UMPS: variants seen among roughly 807,000 people sequenced by gnomAD.
The protein encoded by UMPS is uridine 5'-monophosphate synthase.
UMPS carries 21 observed loss-of-function variants against 38.9 expected under a neutral mutation model. That is an observed-to-expected ratio of 0.54 (90% CI 0.38 to 0.78). UMPS has a LOEUF of 0.78. UMPS is among the 30% of genes least tolerant of loss of function. The probability of loss-of-function intolerance (pLI) is 0.00; values close to 1 mark genes in which losing one functional copy is unlikely to be tolerated. For missense variants in UMPS, 533 were observed against 591.6 expected, an observed-to-expected ratio of 0.90 and a Z score of 1.03; for synonymous variants, 208 against 219.3, an observed-to-expected ratio of 0.95 and a Z score of 0.45.
chr3:124,731,643 G>A, intron 1 of UMPS: 1 of 233,304 alleles, frequency 4.3e-6, no homozygotes, highest in South Asian at 4.3e-5. Flanking sequence ...CCAACTTTGG[G>A]AGGCTTTCTT....
At chr3:124,732,205 AG>A (rs1365168956) in intron 1 of UMPS, among the ~76,000 whole-genome samples, 35 of 152,350 alleles carry the variant, frequency 2.3e-4, no homozygotes, top group Admixed American at 7.2e-4. Flanking sequence ...GCCTATAGTC[AG>A]GGCAACTACT....
chr3:124,740,416 T>G (rs2063548568), intron 4 of UMPS, among the ~76,000 whole-genome samples: 1 of 152,160 alleles, frequency 6.6e-6, no homozygotes, highest in Non-Finnish European at 1.5e-5. Context: ...TGAATTATAC[T>G]CCAAGAGAAA....
At chr3:124,737,211 C>T (rs1468179259) in intron 2 of UMPS, 1 of 263,206 alleles carries the variant, frequency 3.8e-6, no homozygotes, top group Non-Finnish European at 7.3e-6. Flanking sequence ...CAAGACCAGC[C>T]TAGACAACAT....
chr3:124,737,417 A>G (rs938651174), intron 2 of UMPS, 151 bp from the exon 3 acceptor site: 3 of 693,380 alleles, frequency 4.3e-6, no homozygotes, highest in Non-Finnish European at 7.4e-6. Flanking sequence ...AATATACTGT[A>G]TGTGCAACTA....
Position 124,748,738 on chromosome 3 carries a change from G to A in UMPS, c.*4654G>A, listed in dbSNP as rs775081416. 4.6e-6 allele frequency: 2 copies of A among 435,156 alleles called. No individual in the cohort carries two copies. The highest frequency in any genetic ancestry group is 7.6e-4 in the Middle Eastern group (1 of 1,308). 27.0% of individuals were successfully genotyped at this position (435,156 alleles called of 1,614,324 possible). A position where few individuals can be genotyped will look rare whatever the true frequency, so the allele number is the denominator to read the frequency against. On this transcript the variant is annotated 3_prime_UTR_variant, in exon 6 of 6. Coordinates refer to ENST00000232607, the MANE Select transcript of UMPS (RefSeq NM_000373.4). ...GGTTGGGGGGAGCCCAGGAGAGCAG[G>A]AAGATCCAGAGATCCCTCGCCCCAG...
At chr3:124,734,014 A>T (rs562530023) in intron 1 of UMPS, among the ~76,000 whole-genome samples, 98 of 152,324 alleles carry the variant, frequency 6.4e-4, no homozygotes, top group African/African-American at 2.3e-3. Flanking sequence ...CAGCAATTTC[A>T]CGTTTTGTTT....
rs942102955 is a variant in UMPS at position 124,744,540 on chromosome 3, C to T, written c.*456C>T. ...CCTCCCACCTCAGCTTCCAGATTAG[C>T]TGGTGCTATAGGCATGCACCACCAC... is the stretch of plus-strand genomic sequence containing the variant. On this transcript the variant is annotated 3_prime_UTR_variant, in exon 6 of 6. Coordinates refer to ENST00000232607, the MANE Select transcript of UMPS (RefSeq NM_000373.4). The T allele has an allele frequency of 2.2e-6, 1 of 454,038 alleles. No homozygotes were observed. Among genetic ancestry groups the T allele is most frequent in the Non-Finnish European group, 4.4e-6 (1 of 226,780 alleles). The allele number at this position is 454,038 out of a possible 1,614,324, so 28.1% of individuals were successfully genotyped here.
chr3:124,749,109 G>T lies in UMPS; in HGVS notation c.*5025G>T. ...ACTTGGGGAGGATCCTGAAATGATTGTATTTAACAAGACATGCTGTCCTTG... is the reference window on the plus strand; with the variant it reads ...ACTTGGGGAGGATCCTGAAATGATTTTATTTAACAAGACATGCTGTCCTTG... On this transcript the variant is annotated 3_prime_UTR_variant, in exon 6 of 6. Transcript: ENST00000232607. The T allele has an allele frequency of 2.2e-6, 1 of 454,064 alleles. No homozygotes were observed. Among genetic ancestry groups the T allele is most frequent in the Non-Finnish European group, 4.4e-6 (1 of 226,782 alleles). The allele number at this position is 454,064 out of a possible 1,614,324, so 28.1% of individuals were successfully genotyped here. A position where few individuals can be genotyped will look rare whatever the true frequency, so the allele number is the denominator to read the frequency against.
chr3:124,735,151 G>T lies in UMPS; in HGVS notation c.215G>T (p.Cys72Phe), dbSNP rs937398940. The T allele has an allele frequency of 2.5e-6, 4 of 1,614,048 alleles. No individual in the cohort carries two copies. The highest frequency in any genetic ancestry group is 3.4e-6 in the Non-Finnish European group (4 of 1,180,018). ...GCAGGCATCAGTTTTGACACCGTGTGTGGAGTGCCTTATACAGCTTTGCCA... is the reference window on the plus strand; with the variant it reads ...GCAGGCATCAGTTTTGACACCGTGTTTGGAGTGCCTTATACAGCTTTGCCA... ...QNAGISFDTVCGVPYTALPLA... is the reference protein window; with the variant it reads ...QNAGISFDTVFGVPYTALPLA... Residue 72 changes from cysteine (C) to phenylalanine (F), a missense_variant, in exon 2 of 6, where the codon TGT becomes TTT. Coordinates refer to ENST00000232607, the MANE Select transcript of UMPS (RefSeq NM_000373.4).
chr3:124,744,333 C>G lies in UMPS; in HGVS notation c.*249C>G. The G allele has an allele frequency of 1.8e-6, 1 of 557,376 alleles. No individual in the cohort carries two copies. Among genetic ancestry groups the G allele is most frequent in the South Asian group, 1.5e-5 (1 of 65,388 alleles). 34.5% of individuals were successfully genotyped at this position (557,376 alleles called of 1,614,324 possible). ...GAGACTGGTGTTTGTTAGACAGCCA[C>G]AGTCCTGTCTGGGTTAGGGTCTTCC... On this transcript the variant is annotated 3_prime_UTR_variant, in exon 6 of 6. Coordinates refer to ENST00000232607, the MANE Select transcript of UMPS (RefSeq NM_000373.4).
intron 3 of UMPS, among the ~76,000 whole-genome samples, chr3:124,739,449 A>ACTT: frequency 6.6e-6 from 1 of 152,124 alleles, no homozygotes; most frequent in Non-Finnish European, 1.5e-5. Flanking sequence ...CTCCCACCTC[A>ACTT]GCCTCCCAAG....
rs978527952 is a variant in UMPS at position 124,735,007 on chromosome 3, C to T, written c.157-86C>T. ...CTGCATTCCAGCCTGGGCAACAGGG[C>T]GAGACTCCATCTCAAAAAATAAAAA... On this transcript the variant is annotated intron_variant, in intron 1 of 5. Transcript: ENST00000232607. The T allele has an allele frequency of 1.1e-4, 140 of 1,282,160 alleles. 1 individual carries two copies. Among genetic ancestry groups the T allele is most frequent in the South Asian group, 9.8e-4 (65 of 66,634 alleles). The allele number at this position is 1,282,160 out of a possible 1,614,324, so 79.4% of individuals were successfully genotyped here.
In UMPS at chr3:124,744,473, G is replaced by A. The variant is rs1307610829; in HGVS notation, c.*389G>A. ...TCTGTTGCCCAGGATGGAGTGCAGT[G>A]GTGAGATCACGGCTCATTGCAGCCT... is the stretch of plus-strand genomic sequence containing the variant. On this transcript the variant is annotated 3_prime_UTR_variant, in exon 6 of 6. Transcript: ENST00000232607. 6.6e-6 allele frequency: 3 copies of A among 454,228 alleles called. No homozygotes were observed. The highest frequency in any genetic ancestry group is 4.7e-5 in the South Asian group (3 of 64,486). The allele number at this position is 454,228 out of a possible 1,614,324, so 28.1% of individuals were successfully genotyped here.
intron 1 of UMPS, chr3:124,733,798 A>G (rs1178855732): frequency 6.6e-6 from 1 of 152,460 alleles, no homozygotes; most frequent in Non-Finnish European, 1.5e-5. Flanking sequence ...AATTCTTGAC[A>G]TCTAGAGACT....
At position 124,748,909 on chromosome 3, in the gene UMPS, T is replaced by C. The variant is rs1488685806; in HGVS notation, c.*4825T>C. The stretch of plus-strand genomic sequence containing the variant: ...GAAGCAGACCTGGTGGGCCTGAGAG[T>C]CTCAATCGTCAGGTAAGGACAGTCA... On this transcript the variant is annotated 3_prime_UTR_variant, in exon 6 of 6. Coordinates refer to ENST00000232607, the MANE Select transcript of UMPS (RefSeq NM_000373.4). 2.2e-6 allele frequency: 1 copy of C among 444,486 alleles called. No homozygotes were observed. The highest frequency in any genetic ancestry group is 4.5e-6 in the Non-Finnish European group (1 of 220,662). The allele number at this position is 444,486 out of a possible 1,614,324, so 27.5% of individuals were successfully genotyped here. A position where few individuals can be genotyped will look rare whatever the true frequency, so the allele number is the denominator to read the frequency against.
rs1247626823 is a variant in UMPS, at chr3:124,748,481, T to C, written c.*4397T>C. 11 of 453,716 alleles carry C rather than the reference T, an allele frequency of 2.4e-5. No individual in the cohort carries two copies. The highest frequency in any genetic ancestry group is 6.8e-4 in the Middle Eastern group (1 of 1,466). 28.1% of individuals were successfully genotyped at this position (453,716 alleles called of 1,614,324 possible). On this transcript the variant is annotated 3_prime_UTR_variant, in exon 6 of 6. Coordinates refer to ENST00000232607, the MANE Select transcript of UMPS (RefSeq NM_000373.4). ...TTTTTTAACTTCTAAAGTTCAAGGT[T>C]TTGGCATAAGTCTGGTTTAGAAGCA...
At chr3:124,743,868 T>A (rs1183398270) in intron 5 of UMPS, 47 bp from the exon 6 acceptor site, 1 of 1,611,276 alleles carries the variant, frequency 6.2e-7, no homozygotes, top group Admixed American at 1.7e-5. Context: ...TGACAGGTTT[T>A]CTGATTTTTG....
At chr3:124,731,491 T>G (rs778683887) in intron 1 of UMPS, 1 of 442,652 alleles carries the variant, frequency 2.3e-6, no homozygotes. Flanking sequence ...ATTATTTTAT[T>G]TATTTATTTT....
chr3:124,731,519 T>TA (rs1463135430), intron 1 of UMPS: 1 of 437,756 alleles, frequency 2.3e-6, no homozygotes, highest in Admixed American at 2.4e-5. Flanking sequence ...GGATCTCTCT[T>TA]ACGTCACCCA....
Sources: gnomAD v4.1 joint callset for allele counts (sites outside exome capture counted in the v4.1 genomes callset) on GRCh38, gnomAD v4.1.1 for gene constraint, MANE v1.5 for transcripts, NCBI Gene and HGNC (gene_info 2026-07-23, HGNC 2026-07-21) for gene names.